Variants in EYA1 observed in about 807,000 individuals in gnomAD.
EYA1 encodes protein phosphatase EYA1.
EYA1 carries 16 observed loss-of-function variants against 82.0 expected under a neutral mutation model. That is an observed-to-expected ratio of 0.20 (90% confidence interval 0.13 to 0.30). The LOEUF is 0.30. Ranked by LOEUF, EYA1 falls within the 10% of genes least tolerant of loss-of-function variation. EYA1 has a pLI of 1.00. For missense variants in EYA1, 633 were observed against 730.7 expected (o/e 0.87, Z 1.54); for synonymous variants, 261 against 264.4 (o/e 0.99, Z 0.12).
intron 2 of EYA1, among the ~76,000 whole-genome samples, chr8:71,396,850 T>G (rs896854115): frequency 1.3e-5 from 2 of 152,230 alleles, no homozygotes; most frequent in African/African-American, 4.8e-5. Flanking sequence ...CCTTGTTGAC[T>G]TTCTGTGTCG....
At chr8:71,347,056 C>T (rs1241196388) in intron 3 of EYA1, among the ~76,000 whole-genome samples, 1 of 152,158 alleles carries the variant, frequency 6.6e-6, no homozygotes, top group East Asian at 1.9e-4. Context: ...TATCTTTCAT[C>T]TTGGCCACAA....
intron 2 of EYA1, among the ~76,000 whole-genome samples, chr8:71,431,946 G>C (rs1805650908): frequency 6.6e-6 from 1 of 152,136 alleles, no homozygotes; most frequent in Non-Finnish European, 1.5e-5. Context: ...ATCTACTCAT[G>C]CATCCTAGGC....
intron 1 of EYA1, chr8:71,356,748 G>A (rs1055101394): frequency 2.2e-5 from 27 of 1,206,902 alleles, no homozygotes; most frequent in East Asian, 3.5e-5. Context: ...GCCAAATGAC[G>A]TGATAGTGAT....
chr8:71,314,748 A>G (rs1821724960), intron 7 of EYA1, among the ~76,000 whole-genome samples: 1 of 152,194 alleles, frequency 6.6e-6, no homozygotes, highest in Non-Finnish European at 1.5e-5. Context: ...AAAGATAGTC[A>G]TGTGAAATAA....
At chr8:71,498,552 C>T (rs1010867399) in intron 2 of EYA1, among the ~76,000 whole-genome samples, 1 of 152,046 alleles carries the variant, frequency 6.6e-6, no homozygotes, top group South Asian at 2.1e-4. Context: ...TGTTCATGAA[C>T]ATTCGCTACT....
intron 1 of EYA1, among the ~76,000 whole-genome samples, chr8:71,540,992 G>C (rs773755550): frequency 6.6e-6 from 1 of 152,144 alleles, no homozygotes; most frequent in Non-Finnish European, 1.5e-5. Context: ...GAAATGAACC[G>C]TTGGATAAAT....
intron 2 of EYA1, 109 bp downstream of exon 2, chr8:71,356,353 A>G: frequency 1.1e-6 from 1 of 928,350 alleles, no homozygotes; most frequent in South Asian, 1.6e-5. Context: ...GTAATTTCCA[A>G]CAGAGGCTGT....
chr8:71,243,833 CAT>C (rs1812767529), intron 12 of EYA1, among the ~76,000 whole-genome samples: 1 of 152,214 alleles, frequency 6.6e-6, no homozygotes, highest in Admixed American at 6.5e-5. Flanking sequence ...AAATAACATA[CAT>C]TTATAAATCG....
At chr8:71,346,337 T>G (rs1825700071) in intron 3 of EYA1, among the ~76,000 whole-genome samples, 1 of 150,554 alleles carries the variant, frequency 6.6e-6, no homozygotes, top group Non-Finnish European at 1.5e-5. Flanking sequence ...GCTCTCAAAT[T>G]AGCAATGTAA....
At chr8:71,243,895 G>T (rs1051074169) in intron 12 of EYA1, among the ~76,000 whole-genome samples, 5 of 152,190 alleles carry the variant, frequency 3.3e-5, no homozygotes, top group African/African-American at 9.6e-5. Flanking sequence ...CCTACCACAA[G>T]CTTGCTTAAC....
At chr8:71,228,924 A>C (rs1810877685) in intron 12 of EYA1, among the ~76,000 whole-genome samples, 2 of 152,216 alleles carry the variant, frequency 1.3e-5, no homozygotes, top group Admixed American at 6.5e-5. Context: ...TTTTTCTGAA[A>C]GTAGGTTTTG....
chr8:71,268,548 T>C lies in EYA1; in HGVS notation c.1050+1192A>G, dbSNP rs145871100. ...TAGAGACCATTTGGCTGATTGATTC[T>C]ATGGCCTTATATTTTATAATCTGCA... On this transcript the variant is annotated intron_variant, in intron 11 of 17. Transcript: ENST00000340726. 6.6e-5 allele frequency among the ~76,000 whole-genome samples: 10 copies of C among 152,380 alleles called. No homozygotes were observed. In the East Asian group the frequency reaches 1.9e-3, roughly 29 times the overall value.
upstream of EYA1, among the ~76,000 whole-genome samples, chr8:71,365,407 T>A (rs57426811): frequency 0.1 from 15,217 of 152,138 alleles, 1,083 homozygotes; most frequent in African/African-American, 0.2. Flanking sequence ...TATGAGATGA[T>A]TATTTTTCAA....
chr8:71,260,559 G>A (rs1367776503), intron 11 of EYA1, among the ~76,000 whole-genome samples: 1 of 152,158 alleles, frequency 6.6e-6, no homozygotes. Flanking sequence ...TTAAAAAAGT[G>A]CTATTTAAAT....
At chr8:71,254,014 TAC>T (rs1814068041) in intron 11 of EYA1, among the ~76,000 whole-genome samples, 2 of 152,240 alleles carry the variant, frequency 1.3e-5, no homozygotes, top group South Asian at 4.1e-4. Context: ...GCAGCAAGGC[TAC>T]AGATATTTGA....
At chr8:71,356,774 G>A in intron 1 of EYA1, 1 of 1,153,976 alleles carries the variant, frequency 8.7e-7, no homozygotes, top group Non-Finnish European at 1.1e-6. Flanking sequence ...ACTGGCCTAT[G>A]ACAGCTGCAA....
At chr8:71,546,508 C>CTT (rs1448595609) in intron 1 of EYA1, among the ~76,000 whole-genome samples, 136 of 135,930 alleles carry the variant, frequency 1.0e-3, no homozygotes, top group African/African-American at 3.9e-3. Flanking sequence ...TCTACTGATT[C>CTT]TTATTTTTTT....
At chr8:71,409,961 T>C (rs1337687021) in intron 2 of EYA1, among the ~76,000 whole-genome samples, 7 of 146,766 alleles carry the variant, frequency 4.8e-5, no homozygotes, top group African/African-American at 1.5e-4. Flanking sequence ...TGAACATTGA[T>C]GCAAAAATCC....
At chr8:71,318,321 T>C (rs929754653) in intron 6 of EYA1, among the ~76,000 whole-genome samples, 3 of 152,208 alleles carry the variant, frequency 2.0e-5, no homozygotes, top group African/African-American at 7.2e-5. Flanking sequence ...ATGAGCTGAA[T>C]CTTATAAAAC....
Sources: gnomAD v4.1 joint callset for allele counts (sites outside exome capture counted in the v4.1 genomes callset) on GRCh38, gnomAD v4.1.1 for gene constraint, MANE v1.5 for transcripts, NCBI Gene and HGNC (gene_info 2026-07-23, HGNC 2026-07-21) for gene names.